Variants in GALNTL6 observed in about 807,000 individuals in gnomAD.
The protein encoded by GALNTL6 is polypeptide N-acetylgalactosaminyltransferase like 6, also known as polypeptide N-acetylgalactosaminyltransferase-like 6.
GALNTL6 carries 46 observed loss-of-function variants against 73.7 expected under a neutral mutation model. That is an observed-to-expected ratio of 0.62 (90% CI 0.49 to 0.80). GALNTL6 has a LOEUF of 0.80. Ranked by LOEUF, GALNTL6 falls within the 30% of genes least tolerant of loss-of-function variation. GALNTL6 has a pLI of 0.00. For synonymous variants in GALNTL6, 259 were observed against 263.7 expected (o/e 0.98, Z 0.17); for missense variants, 604 against 755.0 (o/e 0.80, Z 2.34).
intron 2 of GALNTL6, among the ~76,000 whole-genome samples, chr4:171,839,911 A>G (rs1259443228): frequency 6.6e-6 from 1 of 152,082 alleles, no homozygotes; most frequent in Non-Finnish European, 1.5e-5. Context: ...ATTTAAATGT[A>G]TCATATCTTG....
At chr4:172,606,576 GTATATGTATA>G (rs1738282194) in intron 5 of GALNTL6, among the ~76,000 whole-genome samples, 2 of 134,370 alleles carry the variant, frequency 1.5e-5, no homozygotes, top group African/African-American at 5.6e-5. Flanking sequence ...CATATACATA[GTATATGTATA>G]TATATACACA....
intron 2 of GALNTL6, among the ~76,000 whole-genome samples, chr4:171,850,138 G>A (rs1453163188): frequency 6.6e-6 from 1 of 152,044 alleles, no homozygotes; most frequent in African/African-American, 2.4e-5. Flanking sequence ...GCTAATTTTT[G>A]TATTTGTATT....
chr4:172,230,976 T>C (rs1411794703), intron 3 of GALNTL6, among the ~76,000 whole-genome samples: 2 of 152,138 alleles, frequency 1.3e-5, no homozygotes, highest in Non-Finnish European at 2.9e-5. Flanking sequence ...TTTATTTTCT[T>C]GCATTCCTTT....
At chr4:171,962,581 G>C (rs1218924501) in intron 2 of GALNTL6, among the ~76,000 whole-genome samples, 2 of 151,926 alleles carry the variant, frequency 1.3e-5, no homozygotes, top group East Asian at 3.9e-4. Context: ...TCTAAAAAGG[G>C]GAGGAACCCA....
intron 3 of GALNTL6, among the ~76,000 whole-genome samples, chr4:172,257,127 T>C (rs779378402): frequency 2.0e-5 from 3 of 151,452 alleles, no homozygotes; most frequent in Non-Finnish European, 3.0e-5. Context: ...AAATTAAAGA[T>C]AAAGTCTGGA....
chr4:172,388,650 A>G (rs1218453538), intron 5 of GALNTL6, among the ~76,000 whole-genome samples: 1 of 152,098 alleles, frequency 6.6e-6, no homozygotes, highest in Non-Finnish European at 1.5e-5. Flanking sequence ...ATATTAGTGT[A>G]TCCACTCCCC....
intron 10 of GALNTL6, among the ~76,000 whole-genome samples, chr4:172,955,912 C>T (rs1749724677): frequency 6.6e-6 from 1 of 152,070 alleles, no homozygotes; most frequent in African/African-American, 2.4e-5. Context: ...ATGAATTTCA[C>T]AAGGTAATGT....
intron 5 of GALNTL6, among the ~76,000 whole-genome samples, chr4:172,784,601 A>G (rs1739551111): frequency 6.6e-6 from 1 of 152,122 alleles, no homozygotes. Context: ...TATTACTACC[A>G]CAGCCATCAA....
At chr4:172,439,485 G>A (rs1728118943) in intron 5 of GALNTL6, among the ~76,000 whole-genome samples, 1 of 151,212 alleles carries the variant, frequency 6.6e-6, no homozygotes, top group African/African-American at 2.4e-5. Context: ...TTCTTTGCTG[G>A]TTCTTCTTCT....
intron 5 of GALNTL6, among the ~76,000 whole-genome samples, chr4:172,384,853 C>T (rs1018427089): frequency 1.3e-5 from 2 of 151,930 alleles, no homozygotes; most frequent in African/African-American, 4.8e-5. Context: ...CTCAATTGTT[C>T]CTTCTGTTTC....
intron 2 of GALNTL6, among the ~76,000 whole-genome samples, chr4:172,143,682 C>T (rs970449803): frequency 1.3e-5 from 2 of 152,048 alleles, no homozygotes; most frequent in African/African-American, 4.8e-5. Flanking sequence ...TAATTTACTG[C>T]CTGCCCCCCA....
At chr4:172,242,315 G>A (rs1737464700) in intron 3 of GALNTL6, among the ~76,000 whole-genome samples, 1 of 151,954 alleles carries the variant, frequency 6.6e-6, no homozygotes, top group Non-Finnish European at 1.5e-5. Flanking sequence ...AGAGATGTGT[G>A]TGTGTGTTTG....
At chr4:172,741,202 T>G (rs894227942) in intron 5 of GALNTL6, among the ~76,000 whole-genome samples, 1 of 152,150 alleles carries the variant, frequency 6.6e-6, no homozygotes. Flanking sequence ...TAGGGTCATT[T>G]GAACCTAACA....
At chr4:172,620,786 C>A (rs1421821876) in intron 5 of GALNTL6, among the ~76,000 whole-genome samples, 1 of 152,106 alleles carries the variant, frequency 6.6e-6, no homozygotes, top group Non-Finnish European at 1.5e-5. Context: ...GAGTTGTTAG[C>A]AAATTGAAGT....
At position 172,710,140 on chromosome 4, in the gene GALNTL6, T is replaced by C. The variant is rs1044256513; in HGVS notation, c.554-99221T>C. ...GGTGATAAACTTTTCTAAGACAATT[T>C]ATATTGTTGGCAGGGTGTGAGAGAA... On this transcript the variant is annotated intron_variant, in intron 5 of 12. Coordinates refer to ENST00000506823, the MANE Select transcript of GALNTL6 (RefSeq NM_001034845.3). Among the ~76,000 whole-genome samples the C allele has an allele frequency of 1.3e-5, 2 of 152,170 alleles. 1 individual carries two copies. Among genetic ancestry groups the C allele is most frequent in the Non-Finnish European group, 2.9e-5 (2 of 68,022 alleles).
chr4:171,901,420 A>C (rs897387965), intron 2 of GALNTL6, among the ~76,000 whole-genome samples: 2 of 152,198 alleles, frequency 1.3e-5, no homozygotes, highest in African/African-American at 4.8e-5. Flanking sequence ...CTGCACCCTG[A>C]GAAGCTGGCC....
chr4:172,749,267 C>G (rs896948871), intron 5 of GALNTL6, among the ~76,000 whole-genome samples: 31 of 152,048 alleles, frequency 2.0e-4, no homozygotes, highest in African/African-American at 7.2e-4. Flanking sequence ...ATCCTCCATA[C>G]CTACGATATC....
chr4:172,864,216 G>A (rs1347030538), intron 7 of GALNTL6, among the ~76,000 whole-genome samples: 1 of 152,122 alleles, frequency 6.6e-6, no homozygotes, highest in Admixed American at 6.5e-5. Flanking sequence ...CCAACAAGCT[G>A]TTGCTTCCTA....
chr4:172,499,507 A>G (rs1408247208), intron 5 of GALNTL6, among the ~76,000 whole-genome samples: 3 of 152,246 alleles, frequency 2.0e-5, no homozygotes, highest in African/African-American at 7.2e-5. Flanking sequence ...TGAATTAACT[A>G]AAACAAATAA....
Sources: allele counts gnomAD v4.1 joint callset (sites outside exome capture counted in the v4.1 genomes callset), GRCh38; gene constraint gnomAD v4.1.1; transcripts MANE v1.5; gene names NCBI Gene and HGNC (gene_info 2026-07-23, HGNC 2026-07-21).